The following THNSL1 variants were observed in gnomAD, a reference collection of about 807,000 sequenced individuals.
The protein encoded by THNSL1 is threonine synthase-like 1.
A neutral mutation model predicts 50.4 loss-of-function variants in THNSL1; 48 were observed. The observed-to-expected ratio is 0.95, with a 90% confidence interval of 0.76 to 1.21. The LOEUF is 1.21. Among genes scored for constraint, THNSL1 ranks in the 50% most tolerant of loss-of-function variants. The pLI is 0.00. For missense variants in THNSL1, 896 were observed against 871.7 expected (o/e 1.03, Z -0.35); for synonymous variants, 309 against 306.1 (o/e 1.01, Z -0.10).
intron 1 of THNSL1, among the ~76,000 whole-genome samples, chr10:25,018,121 TA>T (rs972953578): frequency 2.0e-5 from 3 of 152,218 alleles, no homozygotes; most frequent in Non-Finnish European, 4.4e-5. Flanking sequence ...TATTATGCTT[TA>T]AAAAATGCTA....
the THNSL1 span, among the ~76,000 whole-genome samples, chr10:24,952,883 C>G: frequency 6.6e-6 from 1 of 151,808 alleles, no homozygotes; most frequent in Non-Finnish European, 1.5e-5. The surrounding 1 kb of genome is among the most constrained non-coding windows in gnomAD (Gnocchi z 5.1). Flanking sequence ...CGCCGCCGCC[C>G]CCTGCCGGAT....
At chr10:24,995,849 C>G in the THNSL1 span, 31 of 1,604,096 alleles carry the variant, frequency 1.9e-5, no homozygotes, top group Admixed American at 3.0e-4. Flanking sequence ...TTTTTGGGCA[C>G]GTTCCGATCA....
chr10:24,987,155 G>GCTGCACTA, the THNSL1 span, among the ~76,000 whole-genome samples: 83 of 152,276 alleles, frequency 5.5e-4, no homozygotes, highest in Admixed American at 7.2e-4. Flanking sequence ...ATGGGTTCTA[G>GCTGCACTA]CTGCATTCAT....
At chr10:24,960,738 C>A in the THNSL1 span, among the ~76,000 whole-genome samples, 1 of 151,150 alleles carries the variant, frequency 6.6e-6, no homozygotes, top group African/African-American at 2.5e-5. Context: ...AGGCATGAGG[C>A]ACTGCACCCA....
chr10:24,978,770 G>A, the THNSL1 span, among the ~76,000 whole-genome samples: 1 of 152,136 alleles, frequency 6.6e-6, no homozygotes, highest in African/African-American at 2.4e-5. Flanking sequence ...GATCAGTTTG[G>A]AGACCAAACT....
chr10:24,994,159 C>T, the THNSL1 span, among the ~76,000 whole-genome samples: 2 of 152,146 alleles, frequency 1.3e-5, no homozygotes, highest in South Asian at 4.1e-4. Flanking sequence ...TGGTAGATCA[C>T]TGGACTCTTC....
the THNSL1 span, among the ~76,000 whole-genome samples, chr10:24,968,985 C>T: frequency 6.6e-6 from 1 of 152,180 alleles, no homozygotes; most frequent in Admixed American, 6.5e-5. Flanking sequence ...CCTCTGCCTC[C>T]CGGGTTCAAG....
chr10:24,963,961 T>TC, the THNSL1 span, among the ~76,000 whole-genome samples: 445 of 152,318 alleles, frequency 2.9e-3, 2 homozygotes, highest in African/African-American at 0.011. Context: ...TACCCAGGTT[T>TC]GTAAAACGCC....
the THNSL1 span, among the ~76,000 whole-genome samples, chr10:24,966,317 A>G: frequency 6.6e-6 from 1 of 152,272 alleles, no homozygotes; most frequent in African/African-American, 2.4e-5. Context: ...GTGGCTAATA[A>G]AGGAGAGACC....
chr10:24,952,384 G>T, the THNSL1 span: 1 of 940,456 alleles, frequency 1.1e-6, no homozygotes, highest in Middle Eastern at 3.2e-4. This position sits in a 1 kb window ranked among gnomAD's most constrained non-coding sequence, Gnocchi z 5.1. Context: ...CCGGGTCCGA[G>T]GATGGAAGCG....
the THNSL1 span, among the ~76,000 whole-genome samples, chr10:24,995,222 C>T: frequency 6.6e-6 from 1 of 152,166 alleles, no homozygotes; most frequent in Admixed American, 6.5e-5. Flanking sequence ...GGCTCTAAAG[C>T]TGCATTCTGC....
At chr10:24,995,857 TC>T in the THNSL1 span, 1 of 1,603,704 alleles carries the variant, frequency 6.2e-7, no homozygotes, top group East Asian at 2.2e-5. Flanking sequence ...CACGTTCCGA[TC>T]AAAGTTTTTT....
the THNSL1 span, among the ~76,000 whole-genome samples, chr10:24,960,889 C>T: frequency 1.3e-5 from 2 of 152,172 alleles, no homozygotes; most frequent in Admixed American, 1.3e-4. Flanking sequence ...CACACCTTGC[C>T]ATTCCTTGTG....
At chr10:25,018,742 T>C (rs1278023944) in intron 1 of THNSL1, among the ~76,000 whole-genome samples, 1 of 140,376 alleles carries the variant, frequency 7.1e-6, no homozygotes, top group African/African-American at 2.6e-5. Flanking sequence ...TATAAGACAA[T>C]TGGAAGGTAA....
the THNSL1 span, among the ~76,000 whole-genome samples, chr10:24,985,526 T>C: frequency 6.6e-6 from 1 of 152,220 alleles, no homozygotes; most frequent in Non-Finnish European, 1.5e-5. Context: ...CTATAAATGA[T>C]TGAAAGGTCA....
chr10:24,977,939 T>C, the THNSL1 span, among the ~76,000 whole-genome samples: 3 of 152,344 alleles, frequency 2.0e-5, no homozygotes, highest in South Asian at 6.2e-4. Flanking sequence ...GTTTATGTTC[T>C]TGCTTCACAG....
chr10:24,996,454 G>GTATATATATATATA, the THNSL1 span, among the ~76,000 whole-genome samples: 28 of 149,498 alleles, frequency 1.9e-4, 1 homozygote, highest in African/African-American at 6.1e-4. Flanking sequence ...GTGTGTGTGT[G>GTATATATATATATA]TGTATATATA....
At chr10:24,979,689 C>A in the THNSL1 span, among the ~76,000 whole-genome samples, 4 of 152,176 alleles carry the variant, frequency 2.6e-5, no homozygotes, top group South Asian at 6.2e-4. Context: ...AAGGTCTACC[C>A]CACATCTCCT....
upstream of THNSL1, among the ~76,000 whole-genome samples, chr10:25,015,008 G>C (rs1850533467): frequency 1.3e-5 from 2 of 152,170 alleles, no homozygotes; most frequent in Non-Finnish European, 2.9e-5. Flanking sequence ...CCGATTTTTA[G>C]TCCAGTCCTT....
Sources: allele counts gnomAD v4.1 joint callset (sites outside exome capture counted in the v4.1 genomes callset), GRCh38; gene constraint gnomAD v4.1.1; non-coding constraint Gnocchi (gnomAD v3.1); transcripts MANE v1.5; gene names NCBI Gene and HGNC (gene_info 2026-07-23, HGNC 2026-07-21).